The following PRKD1 variants were observed in gnomAD, a reference collection of about 807,000 sequenced individuals.
The protein encoded by PRKD1 is serine/threonine-protein kinase D1.
PRKD1 carries 63 observed loss-of-function variants against 95.9 expected under a neutral mutation model. The ratio of observed to expected loss-of-function variants is 0.66; its 90% confidence interval spans 0.54 to 0.81. PRKD1 has a LOEUF of 0.81. Among genes scored for constraint, PRKD1 ranks in the 30% least tolerant of loss-of-function variants. The pLI is 0.00. For missense variants in PRKD1, 1,048 were observed against 1,165.3 expected, an observed-to-expected ratio of 0.90 and a Z score of 1.47; for synonymous variants, 425 against 423.1, an observed-to-expected ratio of 1.00 and a Z score of -0.05.
chr14:29,609,273 T>TA (rs1878249700), intron 13 of PRKD1, among the ~76,000 whole-genome samples: 1 of 152,174 alleles, frequency 6.6e-6, no homozygotes, highest in Non-Finnish European at 1.5e-5. Context: ...CATTAACTGC[T>TA]AATGACAACA....
rs1566672106 is a variant in PRKD1 at position 29,919,986 on chromosome 14, A to AGAG, written c.264+7262_264+7263insCTC. Among the ~76,000 whole-genome samples the AGAG allele has an allele frequency of 6.6e-3, 938 of 142,936 alleles. 16 individuals are homozygous for AGAG. The highest frequency in any genetic ancestry group is 0.023 in the African/African-American group (886 of 38,166). 93.8% of individuals were successfully genotyped at this position (142,936 alleles called of 152,430 possible). On this transcript the variant is annotated intron_variant, in intron 1 of 17. Coordinates refer to ENST00000331968, the MANE Select transcript of PRKD1 (RefSeq NM_002742.3). ...TGAGAAAGAGAGAGAGAGAGAGAGAAAGAGAGGAAGGAAGGTAGGAAGGAA... is the reference window on the plus strand; with the variant it reads ...TGAGAAAGAGAGAGAGAGAGAGAGAAGAGAGAGAGGAAGGAAGGTAGGAAGGAA...
intron 2 of PRKD1, among the ~76,000 whole-genome samples, chr14:29,668,522 T>G (rs1302262547): frequency 1.3e-5 from 2 of 152,162 alleles, no homozygotes; most frequent in African/African-American, 4.8e-5. Context: ...GAAGAGAAAA[T>G]GACATGCTTT....
At chr14:29,663,575 A>G (rs1454137247) in intron 4 of PRKD1, 124 bp downstream of exon 4, 1 of 1,102,932 alleles carries the variant, frequency 9.1e-7, no homozygotes, top group African/African-American at 1.6e-5. Context: ...CCCTGAAGAA[A>G]CACTGTCATT....
At chr14:29,675,957 C>T (rs1355360155) in intron 2 of PRKD1, among the ~76,000 whole-genome samples, 2 of 126,086 alleles carry the variant, frequency 1.6e-5, no homozygotes, top group African/African-American at 3.1e-5. Context: ...GGAAGGGGAA[C>T]ATCACACATC....
chr14:29,892,544 T>G (rs368316850), intron 1 of PRKD1, among the ~76,000 whole-genome samples: 1 of 152,148 alleles, frequency 6.6e-6, no homozygotes, highest in Admixed American at 6.5e-5. Flanking sequence ...AATTACCTTC[T>G]TTTCAGTGCC....
At chr14:29,740,159 G>A (rs17386746) in intron 1 of PRKD1, among the ~76,000 whole-genome samples, 27,044 of 152,028 alleles carry the variant, frequency 0.18, 2,654 homozygotes, top group South Asian at 0.26. Context: ...GTAATTAGGC[G>A]TGTGGATGTG....
chr14:29,735,830 T>C (rs961302730), intron 1 of PRKD1, among the ~76,000 whole-genome samples: 1 of 152,200 alleles, frequency 6.6e-6, no homozygotes, highest in African/African-American at 2.4e-5. Context: ...AATAAATAAT[T>C]TGGTGTTCGA....
intron 1 of PRKD1, among the ~76,000 whole-genome samples, chr14:29,774,356 C>T (rs1163572277): frequency 6.6e-6 from 1 of 152,038 alleles, no homozygotes; most frequent in Admixed American, 6.6e-5. Flanking sequence ...CATCAGCTGA[C>T]TTTGCAGTAG....
intron 1 of PRKD1, among the ~76,000 whole-genome samples, chr14:29,788,416 C>T (rs1178097095): frequency 6.6e-6 from 1 of 152,146 alleles, no homozygotes; most frequent in Non-Finnish European, 1.5e-5. Context: ...GGAATTGAAT[C>T]AGTTTGGAGA....
At chr14:29,924,848 C>A (rs1895243239) in intron 1 of PRKD1, among the ~76,000 whole-genome samples, 1 of 152,128 alleles carries the variant, frequency 6.6e-6, no homozygotes. Context: ...TGTCACAACA[C>A]ACAGAGATCC....
At position 29,667,931 on chromosome 14, in the gene PRKD1, GTT is replaced by G. The variant is rs35990037; in HGVS notation, c.404-1725_404-1724del. Among the ~76,000 whole-genome samples, 672 of 146,550 alleles carry G rather than the reference GTT, an allele frequency of 4.6e-3. 4 individuals are homozygous for G. Among genetic ancestry groups the G allele is most frequent in the African/African-American group, 0.016 (628 of 40,340 alleles). ...CCTCCAATTTATGCTAGGTAAATTT[GTT>G]TTTTTTTTTTCTTTCATTTTTTGAA... On this transcript the variant is annotated intron_variant, in intron 2 of 17. Transcript: ENST00000331968.
intron 1 of PRKD1, among the ~76,000 whole-genome samples, chr14:29,840,093 T>C: frequency 6.6e-6 from 1 of 152,140 alleles, no homozygotes; most frequent in East Asian, 1.9e-4. Context: ...TTCTATCACA[T>C]TGTCAGGCGG....
intron 13 of PRKD1, 94 bp downstream of exon 13, chr14:29,624,058 T>C (rs1156920789): frequency 3.5e-6 from 3 of 849,116 alleles, no homozygotes; most frequent in Admixed American, 2.7e-5. Context: ...AAAATATTTA[T>C]GCCACAGGTT....
intron 1 of PRKD1, among the ~76,000 whole-genome samples, chr14:29,849,139 G>A (rs1344642388): frequency 1.3e-5 from 2 of 152,184 alleles, no homozygotes; most frequent in African/African-American, 4.8e-5. Flanking sequence ...ATTGGATCAT[G>A]GGGGCAGACT....
intron 1 of PRKD1, among the ~76,000 whole-genome samples, chr14:29,795,857 G>A (rs1889792710): frequency 6.6e-6 from 1 of 152,116 alleles, no homozygotes; most frequent in African/African-American, 2.4e-5. Flanking sequence ...TGTTTAAGCA[G>A]TGCAGTTGAC....
rs193277605 is a variant in PRKD1, at chr14:29,633,981, T to C, written c.1314+437A>G. The stretch of plus-strand genomic sequence containing the variant: ...ATTAAGAAAATCTCAGGGTACAGGA[T>C]TCCAATGTTCCTGAATGGGTCAGTT... On this transcript the variant is annotated intron_variant, in intron 8 of 17. Coordinates refer to ENST00000331968, the MANE Select transcript of PRKD1 (RefSeq NM_002742.3). Among the ~76,000 whole-genome samples, 609 of 152,326 alleles carry C rather than the reference T, an allele frequency of 4.0e-3. 5 individuals carry two copies. The highest frequency in any genetic ancestry group is 7.9e-3 in the South Asian group (38 of 4,822).
At chr14:29,778,460 C>G (rs1400153996) in intron 1 of PRKD1, among the ~76,000 whole-genome samples, 2 of 152,146 alleles carry the variant, frequency 1.3e-5, no homozygotes, top group Non-Finnish European at 2.9e-5. Context: ...AGGGTTATCA[C>G]CACTGATCCC....
intron 2 of PRKD1, among the ~76,000 whole-genome samples, chr14:29,713,218 C>A (rs755598725): frequency 2.0e-5 from 3 of 152,094 alleles, no homozygotes; most frequent in Non-Finnish European, 4.4e-5. Context: ...TCCAATATGA[C>A]CTCTTAGTAA....
At chr14:29,803,669 G>C (rs1159805182) in intron 1 of PRKD1, among the ~76,000 whole-genome samples, 4 of 152,162 alleles carry the variant, frequency 2.6e-5, no homozygotes, top group African/African-American at 7.2e-5. Context: ...TGAAAGGTGA[G>C]GGATGTGGAA....
Sources: gnomAD v4.1 joint callset for allele counts (sites outside exome capture counted in the v4.1 genomes callset) on GRCh38, gnomAD v4.1.1 for gene constraint, MANE v1.5 for transcripts, NCBI Gene and HGNC (gene_info 2026-07-23, HGNC 2026-07-21) for gene names.